ARHGAP32: variants seen among roughly 807,000 people sequenced by gnomAD.
The protein encoded by ARHGAP32 is rho GTPase-activating protein 32.
In ARHGAP32, 51 loss-of-function variants were observed where a neutral mutation model predicts 186.5. The observed-to-expected ratio is 0.27, with a 90% confidence interval of 0.22 to 0.35. The LOEUF is 0.35. Among genes scored for constraint, ARHGAP32 ranks in the 10% least tolerant of loss-of-function variants. The probability of loss-of-function intolerance (pLI) is 1.00; values close to 1 mark genes in which losing one functional copy is unlikely to be tolerated. For synonymous variants in ARHGAP32, 950 were observed against 964.3 expected (o/e 0.99, Z 0.27); for missense variants, 2,186 against 2,623.5 (o/e 0.83, Z 3.64).
At chr11:129,011,570 ATG>A (rs1938084081) in intron 11 of ARHGAP32, among the ~76,000 whole-genome samples, 1 of 152,184 alleles carries the variant, frequency 6.6e-6, no homozygotes, top group Non-Finnish European at 1.5e-5. Context: ...CTCAAGGGGT[ATG>A]TAAAGGCTGG....
intron 5 of ARHGAP32, among the ~76,000 whole-genome samples, chr11:129,116,020 G>GA (rs1942358845): frequency 1.3e-5 from 2 of 152,002 alleles, no homozygotes; most frequent in African/African-American, 4.8e-5. Context: ...TCACTTTATG[G>GA]AGAACCAGGG....
rs968171128 is a variant in ARHGAP32, at chr11:128,969,855, T to C, written c.5358A>G (p.Gln1786=). 3.7e-6 allele frequency: 6 copies of C among 1,614,108 alleles called. No individual in the cohort carries two copies. The African/African-American group carries it at 5.3e-5, about 14-fold the overall frequency. Residue 1786 remains glutamine (Q), a synonymous_variant, in exon 23 of 23, where the codon CAA becomes CAG. Coordinates refer to ENST00000682385, the MANE Select transcript of ARHGAP32 (RefSeq NM_001378024.1). The surrounding 1 kb of genome is among the most constrained non-coding windows in gnomAD (Gnocchi z 4.8). ...GCACCGCCGGGGTCATGTTATCATA[T>C]TGGGACATGACAGGCCCTTTCACCT... ...RQKVKGPVMS[Q]YDNMTPAVQD...
intron 1 of ARHGAP32, among the ~76,000 whole-genome samples, chr11:129,185,146 T>A (rs1314051342): frequency 1.3e-5 from 2 of 152,186 alleles, no homozygotes; most frequent in African/African-American, 2.4e-5. Context: ...TAAAGACACA[T>A]GCACACGTAT....
intron 1 of ARHGAP32, among the ~76,000 whole-genome samples, chr11:129,260,285 G>A (rs938645922): frequency 9.2e-5 from 14 of 152,034 alleles, no homozygotes; most frequent in African/African-American, 2.9e-4. Flanking sequence ...CATCACTGGC[G>A]GCAATGGTCT....
At chr11:129,163,218 G>A (rs1398597632) in intron 2 of ARHGAP32, among the ~76,000 whole-genome samples, 1 of 152,018 alleles carries the variant, frequency 6.6e-6, no homozygotes, top group African/African-American at 2.4e-5. Flanking sequence ...AATGAAGTAA[G>A]TAAAATATCA....
Position 128,973,210 on chromosome 11 carries a change from G to T in ARHGAP32, c.3296C>A (p.Ser1099Tyr). The change falls in exon 22 of 23, where the codon TCC (serine) becomes TAC (tyrosine). Residue 1099 changes from serine to tyrosine, a missense_variant. Around this residue, in one of 5 missense-constraint regions of ARHGAP32, gnomAD observed 1,502 missense variants for 1,570.0 expected, o/e 0.96. Coordinates refer to ENST00000682385, the MANE Select transcript of ARHGAP32 (RefSeq NM_001378024.1). The part of the protein sequence containing the change: ...IAVATTEDNL[S>Y]SSYSAVALDK... ...TAGAGCAACTGCAGAGTAAGAACTG[G>T]ACAGATTATCTTCAGTTGTAGCCAC... The T allele has an allele frequency of 2.5e-6, 4 of 1,614,188 alleles. No individual in the cohort carries two copies. Among genetic ancestry groups the T allele is most frequent in the Non-Finnish European group, 3.4e-6 (4 of 1,180,032 alleles).
At chr11:129,113,398 T>C (rs1942279868) in intron 5 of ARHGAP32, among the ~76,000 whole-genome samples, 1 of 152,184 alleles carries the variant, frequency 6.6e-6, no homozygotes, top group African/African-American at 2.4e-5. Context: ...TATGTTTGTT[T>C]ACATTCCTCT....
chr11:129,134,345 A>AT (rs1942890139), intron 2 of ARHGAP32, among the ~76,000 whole-genome samples: 1 of 152,234 alleles, frequency 6.6e-6, no homozygotes, highest in Non-Finnish European at 1.5e-5. Context: ...AGAAGGATGT[A>AT]TGTACCACAT....
intron 10 of ARHGAP32, among the ~76,000 whole-genome samples, chr11:129,055,932 A>G (rs1444604583): frequency 5.3e-5 from 8 of 152,248 alleles, no homozygotes; most frequent in African/African-American, 1.9e-4. Flanking sequence ...TAATAATAGT[A>G]TATCAATATT....
In ARHGAP32 at chr11:129,211,550, G is replaced by A. The variant is rs1402907863; in HGVS notation, c.-4-47123C>T. ...TGCCTTCTATGCAAGCCGAAAGTCA[G>A]GAGTTCCTCAGAAGGTTAGAAGAGA... On this transcript the variant is annotated intron_variant, in intron 1 of 6. Coordinates refer to the ARHGAP32 transcript ENST00000525234. Among the ~76,000 whole-genome samples, 4 of 152,156 alleles carry A rather than the reference G, an allele frequency of 2.6e-5. 1 individual carries two copies. The highest frequency in any genetic ancestry group is 2.6e-4 in the Admixed American group (4 of 15,268).
chr11:129,111,723 G>A (rs1013815062), intron 5 of ARHGAP32, among the ~76,000 whole-genome samples: 16 of 151,842 alleles, frequency 1.1e-4, no homozygotes, highest in African/African-American at 3.1e-4. Context: ...TTGTATTTCC[G>A]TAGCATCCAT....
At chr11:129,012,861 G>T (rs1742541038) in intron 11 of ARHGAP32, among the ~76,000 whole-genome samples, 1 of 152,122 alleles carries the variant, frequency 6.6e-6, no homozygotes, top group Admixed American at 6.5e-5. Flanking sequence ...TTTTATAACT[G>T]GAATTATATA....
intron 1 of ARHGAP32, among the ~76,000 whole-genome samples, chr11:129,185,484 G>C (rs903613700): frequency 3.3e-5 from 5 of 152,140 alleles, no homozygotes; most frequent in Non-Finnish European, 7.3e-5. Context: ...GATAGCATTA[G>C]GAGATATACC....
intron 11 of ARHGAP32, among the ~76,000 whole-genome samples, chr11:129,015,668 C>A (rs1367505841): frequency 6.6e-6 from 1 of 152,150 alleles, no homozygotes; most frequent in Non-Finnish European, 1.5e-5. Context: ...TTTTCAAATT[C>A]AGAAATGGAA....
intron 2 of ARHGAP32, among the ~76,000 whole-genome samples, chr11:129,148,112 TG>T (rs1432067729): frequency 6.6e-6 from 1 of 152,194 alleles, no homozygotes; most frequent in Non-Finnish European, 1.5e-5. Flanking sequence ...AATGCTAACG[TG>T]TAGCTCCCAC....
intron 1 of ARHGAP32, among the ~76,000 whole-genome samples, chr11:129,220,009 A>G (rs1353155932): frequency 2.0e-5 from 3 of 152,178 alleles, no homozygotes; most frequent in Non-Finnish European, 4.4e-5. Flanking sequence ...GCTCAAGGAC[A>G]AAAAGTGAGA....
intron 13 of ARHGAP32, 67 bp downstream of exon 13, chr11:128,987,956 T>A: frequency 9.7e-7 from 1 of 1,030,896 alleles, no homozygotes; most frequent in Non-Finnish European, 1.5e-6. Context: ...AGTAAGTGAA[T>A]CTGTTTTAAA....
intron 1 of ARHGAP32, among the ~76,000 whole-genome samples, chr11:129,211,059 G>A (rs748453065): frequency 6.6e-6 from 1 of 151,898 alleles, no homozygotes; most frequent in Non-Finnish European, 1.5e-5. Flanking sequence ...CCTAATCTTC[G>A]GCAGTCTATC....
chr11:129,017,441 C>T (rs1331212467), intron 11 of ARHGAP32, among the ~76,000 whole-genome samples: 5 of 131,170 alleles, frequency 3.8e-5, no homozygotes, highest in African/African-American at 8.8e-5. Flanking sequence ...GAGCAAGACC[C>T]GGTCTCAAAA....
Sources: gnomAD v4.1 joint callset for allele counts (sites outside exome capture counted in the v4.1 genomes callset) on GRCh38, gnomAD v4.1.1 for gene constraint, gnomAD v4.1.1 regional missense constraint, Gnocchi (gnomAD v3.1) non-coding constraint, MANE v1.5 for transcripts, NCBI Gene and HGNC (gene_info 2026-07-23, HGNC 2026-07-21) for gene names.